UBA6: variants seen among roughly 807,000 people sequenced by gnomAD.
The protein encoded by UBA6 is ubiquitin like modifier activating enzyme 6.
A neutral mutation model predicts 148.3 loss-of-function variants in UBA6; 87 were observed. That is an observed-to-expected ratio of 0.59 (90% CI 0.49 to 0.70). The LOEUF (loss-of-function observed/expected upper bound fraction) is 0.70, where lower values mean the gene tolerates loss of function less well. Among genes scored for constraint, UBA6 ranks in the 30% least tolerant of loss-of-function variants. UBA6 has a pLI of 0.00. For synonymous variants in UBA6, 376 were observed against 401.0 expected (o/e 0.94, Z 0.75); for missense variants, 1,186 against 1,241.2 (o/e 0.96, Z 0.67).
chr4:67,700,969 C>G, intron 1 of UBA6, 80 bp downstream of exon 1: 1 of 1,574,948 alleles, frequency 6.3e-7, no homozygotes, highest in Non-Finnish European at 8.7e-7. Flanking sequence ...CGCCCCCAGC[C>G]CGCCGGAAAG....
chr4:67,625,332 T>C (rs1380666455), intron 28 of UBA6, 145 bp from the exon 29 acceptor site: 2 of 604,408 alleles, frequency 3.3e-6, no homozygotes, highest in East Asian at 6.1e-5. Context: ...TTCAGGCAAC[T>C]AATGTTATTG....
intron 4 of UBA6, among the ~76,000 whole-genome samples, chr4:67,680,923 G>A (rs1195415339): frequency 6.6e-6 from 1 of 152,112 alleles, no homozygotes; most frequent in Non-Finnish European, 1.5e-5. Flanking sequence ...AATACATGAA[G>A]AACTAAATCC....
rs551793247 is a variant in UBA6, at chr4:67,701,032, C to T, written c.71+17G>A. 23 of 1,613,676 alleles carry T rather than the reference C, an allele frequency of 1.4e-5. 1 individual carries two copies. The South Asian group carries it at 2.0e-4, about 14-fold the overall frequency. On this transcript the variant is annotated intron_variant, in intron 1 of 32. Coordinates refer to ENST00000322244, the MANE Select transcript of UBA6 (RefSeq NM_018227.6). ...CCCACCCGCGACCCCTCACCTTCGC[C>T]CTTCTCGTCCTCTCACCTGCCAGTC...
chr4:67,697,468 C>A (rs1730868780), intron 1 of UBA6, among the ~76,000 whole-genome samples: 1 of 152,192 alleles, frequency 6.6e-6, no homozygotes, highest in African/African-American at 2.4e-5. Flanking sequence ...CTCTGACCTC[C>A]AGATTGTATA....
chr4:67,678,732 C>T (rs1730351799), intron 4 of UBA6, among the ~76,000 whole-genome samples, 199 bp from the exon 5 acceptor site: 2 of 152,126 alleles, frequency 1.3e-5, no homozygotes, highest in Admixed American at 1.3e-4. Context: ...GTTAGATTGG[C>T]ATAAATCCAC....
chr4:67,649,961 G>T (rs2170870), intron 13 of UBA6, among the ~76,000 whole-genome samples: 1 of 151,938 alleles, frequency 6.6e-6, no homozygotes, highest in Non-Finnish European at 1.5e-5. Context: ...TGTACACAGA[G>T]GAGAGGACAG....
chr4:67,633,383 A>T lies in UBA6; in HGVS notation c.2104T>A (p.Leu702Ile). The change falls in exon 23 of 33, where the codon TTA (leucine) becomes ATA (isoleucine). Residue 702 changes from leucine to isoleucine, a missense_variant. Physicochemically the swap from Leu to Ile is conservative, Grantham distance 5. Coordinates refer to ENST00000322244, the MANE Select transcript of UBA6 (RefSeq NM_018227.6). ...RPRNWSQCVE[L>I]ARLKFEKYFN... ...TATTTTTCAAACTTTAATCTTGCTA[A>T]TTCTACACACTGGGACCAATTTCTA... The T allele has an allele frequency of 6.2e-7, 1 of 1,608,312 alleles. No individual in the cohort carries two copies. The highest frequency in any genetic ancestry group is 8.5e-7 in the Non-Finnish European group (1 of 1,178,588).
intron 19 of UBA6, among the ~76,000 whole-genome samples, chr4:67,636,193 T>C (rs187038109): frequency 1.3e-3 from 194 of 152,284 alleles, no homozygotes; most frequent in African/African-American, 4.3e-3. Context: ...TGACGGAAAG[T>C]AAATGGTCCC....
chr4:67,652,026 T>C (rs1384022808), intron 13 of UBA6, among the ~76,000 whole-genome samples: 2 of 152,168 alleles, frequency 1.3e-5, no homozygotes, highest in African/African-American at 4.8e-5. Flanking sequence ...CTTTGCACCA[T>C]ATGCAAAAAT....
chr4:67,675,072 G>A (rs1308614067), intron 6 of UBA6, among the ~76,000 whole-genome samples: 2 of 152,232 alleles, frequency 1.3e-5, no homozygotes, highest in South Asian at 2.1e-4. Flanking sequence ...GTTTCGCCAT[G>A]CTGGCCAGGC....
intron 32 of UBA6, among the ~76,000 whole-genome samples, chr4:67,620,796 C>G (rs1186621050): frequency 6.6e-6 from 1 of 152,154 alleles, no homozygotes; most frequent in Non-Finnish European, 1.5e-5. Context: ...ACTATGGGCA[C>G]AGTCATCCCT....
In UBA6 at chr4:67,617,702, G is replaced by C. The variant is rs1016291465; in HGVS notation, c.*1295C>G. On this transcript the variant is annotated 3_prime_UTR_variant, in exon 33 of 33. Transcript: ENST00000322244. ...TTGGAGTAATATTGATGTTAATCTAGTTTTTTATTTAACAAAGTACCTACT... is the reference window on the plus strand; with the variant it reads ...TTGGAGTAATATTGATGTTAATCTACTTTTTTATTTAACAAAGTACCTACT... 1 of 152,012 alleles carries C rather than the reference G, an allele frequency of 6.6e-6. No individual in the cohort carries two copies. The highest frequency in any genetic ancestry group is 1.5e-5 in the Non-Finnish European group (1 of 67,950). The allele number at this position is 152,012 out of a possible 1,614,324, so 9.4% of individuals were successfully genotyped here. A position where few individuals can be genotyped will look rare whatever the true frequency, so the allele number is the denominator to read the frequency against.
chr4:67,619,135 A>C lies in UBA6; in HGVS notation c.3024-3T>G. On this transcript the variant is annotated splice_polypyrimidine_tract_variant and splice_region_variant and intron_variant, in intron 32 of 32. Transcript: ENST00000322244. ...TAGGTTTTACAAGTTTATGCATTCT[A>C]AGAAAAATAAGCAAGAATGAATACT... 2 of 1,588,250 alleles carry C rather than the reference A, an allele frequency of 1.3e-6. No homozygotes were observed. The highest frequency in any genetic ancestry group is 1.7e-6 in the Non-Finnish European group (2 of 1,161,214).
In UBA6 at chr4:67,700,945, C is replaced by T. The variant is rs985696328; in HGVS notation, c.71+104G>A. Reference sequence around the variant, plus strand: ...TCCCAGGGCCGGCTCTGCTCGGCCCCGCGGCCTCTCGGGCGCCCCCAGCCC... The same window carrying T: ...TCCCAGGGCCGGCTCTGCTCGGCCCTGCGGCCTCTCGGGCGCCCCCAGCCC... On this transcript the variant is annotated intron_variant, in intron 1 of 32. Coordinates refer to ENST00000322244, the MANE Select transcript of UBA6 (RefSeq NM_018227.6). The T allele has an allele frequency of 2.8e-6, 4 of 1,436,300 alleles. No homozygotes were observed. In the African/African-American group the frequency reaches 5.7e-5, roughly 20 times the overall value. The allele number at this position is 1,436,300 out of a possible 1,614,324, so 89.0% of individuals were successfully genotyped here. A position where few individuals can be genotyped will look rare whatever the true frequency, so the allele number is the denominator to read the frequency against.
At chr4:67,667,886 C>G (rs17633918) in intron 9 of UBA6, among the ~76,000 whole-genome samples, 1 of 152,132 alleles carries the variant, frequency 6.6e-6, no homozygotes, top group East Asian at 1.9e-4. Context: ...GCGAACAAAC[C>G]TACAAACTTG....
chr4:67,630,920 T>C (rs556382558), intron 25 of UBA6, among the ~76,000 whole-genome samples: 1 of 152,124 alleles, frequency 6.6e-6, no homozygotes, highest in Non-Finnish European at 1.5e-5. Context: ...AATGTGTTTA[T>C]TTAAAAACAA....
At chr4:67,623,007 G>T in intron 31 of UBA6, 82 bp from the exon 32 acceptor site, 1 of 1,371,128 alleles carries the variant, frequency 7.3e-7, no homozygotes, top group Non-Finnish European at 1.0e-6. Context: ...CGTAAACAAT[G>T]TTTTATGACC....
chr4:67,642,250 G>T (rs1219134778), intron 17 of UBA6, among the ~76,000 whole-genome samples: 1 of 151,872 alleles, frequency 6.6e-6, no homozygotes, highest in East Asian at 1.9e-4. Flanking sequence ...TCCCCAAACT[G>T]GTTTAGAAGC....
At chr4:67,634,010 A>G (rs1487380) in intron 22 of UBA6, among the ~76,000 whole-genome samples, 32,406 of 151,902 alleles carry the variant, frequency 0.21, 3,653 homozygotes, top group Middle Eastern at 0.31. Context: ...AGCTCGCACC[A>G]TACGAATTGC....
Sources: gnomAD v4.1 joint callset for allele counts (sites outside exome capture counted in the v4.1 genomes callset) on GRCh38, gnomAD v4.1.1 for gene constraint, MANE v1.5 for transcripts, NCBI Gene and HGNC (gene_info 2026-07-23, HGNC 2026-07-21) for gene names.